Variants in ATF7IP observed in about 807,000 individuals in gnomAD.
ATF7IP encodes the protein activating transcription factor 7 interacting protein.
Under a neutral mutation model 106.4 loss-of-function variants are expected in ATF7IP, and 23 were observed. That is an observed-to-expected ratio of 0.22 (90% CI 0.16 to 0.31). The LOEUF is 0.31. Among genes scored for constraint, ATF7IP ranks in the 10% least tolerant of loss-of-function variants. The probability of loss-of-function intolerance (pLI) is 1.00; values close to 1 mark genes in which losing one functional copy is unlikely to be tolerated. For missense variants in ATF7IP, 1,334 were observed against 1,524.3 expected (o/e 0.88, Z 2.08); for synonymous variants, 542 against 539.0 (o/e 1.01, Z -0.08).
In ATF7IP at chr12:14,460,644, G is replaced by A. The variant is rs1213278261; in HGVS notation, c.2308G>A (p.Gly770Arg). ...TVVATTQVPS[G>R]NPQPTISLQP... Reference sequence around the variant, plus strand: ...AGTTGCTACTACTCAGGTGCCTAGTGGAAATCCCCAGCCTACAATCTCTTT... The same window carrying A: ...AGTTGCTACTACTCAGGTGCCTAGTAGAAATCCCCAGCCTACAATCTCTTT... The change falls in exon 9 of 15, where the codon GGA becomes AGA. Residue 770 changes from glycine (G) to arginine (R), a missense_variant. By Grantham distance (125) the Gly-to-Arg change is moderately radical. Coordinates refer to ENST00000261168, the MANE Select transcript of ATF7IP (RefSeq NM_018179.5). 2 of 1,614,108 alleles carry A rather than the reference G, an allele frequency of 1.2e-6. No homozygotes were observed. The highest frequency in any genetic ancestry group is 3.3e-5 in the Admixed American group (2 of 60,012).
At chr12:14,475,379 C>T (rs1395568027) in intron 10 of ATF7IP, among the ~76,000 whole-genome samples, 4 of 152,090 alleles carry the variant, frequency 2.6e-5, no homozygotes, top group South Asian at 2.1e-4. Context: ...CCTAATATTT[C>T]TCATGATTTT....
intron 5 of ATF7IP, among the ~76,000 whole-genome samples, chr12:14,444,158 G>A (rs1354312742): frequency 3.9e-5 from 6 of 152,088 alleles, no homozygotes; most frequent in Admixed American, 6.5e-5. Context: ...ATAACATTCC[G>A]TTGGTTATGA....
intron 10 of ATF7IP, among the ~76,000 whole-genome samples, chr12:14,468,277 A>G (rs528555441): frequency 7.3e-5 from 11 of 150,784 alleles, no homozygotes; most frequent in African/African-American, 2.4e-4. Flanking sequence ...CATCTCAAAA[A>G]AAAAAAAAAA....
intron 1 of ATF7IP, among the ~76,000 whole-genome samples, chr12:14,383,076 C>A (rs999608325): frequency 2.0e-5 from 3 of 152,136 alleles, no homozygotes; most frequent in Admixed American, 6.5e-5. Flanking sequence ...AGAAACAGAA[C>A]CAATGTGTGA....
chr12:14,492,605 G>A (rs1944866174), intron 13 of ATF7IP, among the ~76,000 whole-genome samples: 1 of 152,182 alleles, frequency 6.6e-6, no homozygotes, highest in South Asian at 2.1e-4. Context: ...AAGTAGGAAT[G>A]CAGTAGGCTT....
At chr12:14,377,382 G>A (rs909558524) in intron 1 of ATF7IP, among the ~76,000 whole-genome samples, 5 of 142,138 alleles carry the variant, frequency 3.5e-5, no homozygotes, top group Admixed American at 2.8e-4. Flanking sequence ...TTGAGACGTT[G>A]TCTTGCTGTG....
intron 4 of ATF7IP, 81 bp from the exon 5 acceptor site, chr12:14,438,049 T>A: frequency 5.0e-6 from 7 of 1,399,618 alleles, no homozygotes; most frequent in Non-Finnish European, 6.8e-6. Flanking sequence ...CGAGACTCTG[T>A]CTCAAAAAAA....
chr12:14,475,796 C>A, intron 10 of ATF7IP, 94 bp from the exon 11 acceptor site: 2 of 897,778 alleles, frequency 2.2e-6, no homozygotes, highest in South Asian at 1.7e-5. Flanking sequence ...CCAGGTTACT[C>A]ATTAGTCTCA....
chr12:14,484,385 T>A (rs986082519), intron 13 of ATF7IP, among the ~76,000 whole-genome samples: 2 of 152,198 alleles, frequency 1.3e-5, no homozygotes, highest in Non-Finnish European at 2.9e-5. Context: ...AGGTCACCCG[T>A]TGGTGAGCAC....
intron 1 of ATF7IP, among the ~76,000 whole-genome samples, chr12:14,381,488 C>T (rs541578754): frequency 1.8e-4 from 28 of 152,254 alleles, no homozygotes; most frequent in African/African-American, 6.5e-4. Context: ...ACTTTGGCCT[C>T]CCAGAGTGTA....
intron 13 of ATF7IP, among the ~76,000 whole-genome samples, chr12:14,494,374 A>G (rs1483331219): frequency 1.5e-5 from 2 of 135,174 alleles, no homozygotes; most frequent in Non-Finnish European, 3.1e-5. Context: ...TGTTTCCTAT[A>G]TATAGTATTC....
intron 5 of ATF7IP, among the ~76,000 whole-genome samples, chr12:14,445,326 C>G (rs1013229429): frequency 6.6e-6 from 1 of 151,764 alleles, no homozygotes; most frequent in South Asian, 2.1e-4. Context: ...ATGACATTCT[C>G]GCATGAGCTG....
chr12:14,372,082 T>A (rs552435358), intron 1 of ATF7IP, among the ~76,000 whole-genome samples: 51 of 152,268 alleles, frequency 3.3e-4, no homozygotes, highest in African/African-American at 1.2e-3. Context: ...GCCTATCCTT[T>A]AGTGGAACTC....
At chr12:14,475,342 T>G (rs1177629013) in intron 10 of ATF7IP, among the ~76,000 whole-genome samples, 1 of 152,214 alleles carries the variant, frequency 6.6e-6, no homozygotes, top group Admixed American at 6.5e-5. Flanking sequence ...GTTGCTGTCA[T>G]GTGGTTTTAA....
chr12:14,406,727 T>C, intron 1 of ATF7IP, among the ~76,000 whole-genome samples: 1 of 148,650 alleles, frequency 6.7e-6, no homozygotes. Context: ...TGCAATGGCA[T>C]GATCTCAGCT....
At chr12:14,415,775 G>C (rs1426564015) in intron 1 of ATF7IP, among the ~76,000 whole-genome samples, 1 of 150,868 alleles carries the variant, frequency 6.6e-6, no homozygotes, top group Non-Finnish European at 1.5e-5. Context: ...CAATGCAACA[G>C]TGTAACATCT....
intron 13 of ATF7IP, among the ~76,000 whole-genome samples, chr12:14,494,607 A>G (rs1383443574): frequency 6.7e-6 from 1 of 148,796 alleles, no homozygotes; most frequent in African/African-American, 2.5e-5. Flanking sequence ...TATAAAGGGG[A>G]GTTTATTAAG....
intron 2 of ATF7IP, among the ~76,000 whole-genome samples, chr12:14,431,951 A>C (rs145498819): frequency 1.3e-5 from 2 of 152,308 alleles, no homozygotes; most frequent in East Asian, 3.9e-4. Flanking sequence ...AAACTCTAGC[A>C]ACTCTATTTT....
Position 14,497,675 on chromosome 12 carries a change from C to T in ATF7IP, c.3415C>T (p.Pro1139Ser). 1 of 1,613,990 alleles carries T rather than the reference C, an allele frequency of 6.2e-7. No individual in the cohort carries two copies. The highest frequency in any genetic ancestry group is 8.5e-7 in the Non-Finnish European group (1 of 1,179,934). ...TCAGGAGCCCCCACGCCCCGTGCAC[C>T]CAGCACCCTTACCAGAAGCTCCACA... ...VHTEPPRPVH[P>S]APLPEAPQPQ... The change falls in exon 15 of 15, where the codon CCA (proline) becomes TCA (serine). Residue 1139 changes from proline (P) to serine (S), a missense_variant. By Grantham distance (74) the Pro-to-Ser change is moderately conservative. Coordinates refer to ENST00000261168, the MANE Select transcript of ATF7IP (RefSeq NM_018179.5).
Sources: gnomAD v4.1 joint callset for allele counts (sites outside exome capture counted in the v4.1 genomes callset) on GRCh38, gnomAD v4.1.1 for gene constraint, MANE v1.5 for transcripts, NCBI Gene and HGNC (gene_info 2026-07-23, HGNC 2026-07-21) for gene names.